THAP6: variants seen among roughly 807,000 people sequenced by gnomAD.
THAP6 encodes THAP domain-containing protein 6.
In THAP6, 13 loss-of-function variants were observed where a neutral mutation model predicts 20.0. The ratio of observed to expected loss-of-function variants is 0.65; its 90% CI spans 0.42 to 1.03. THAP6 has a LOEUF of 1.03. THAP6 is among the 50% of genes least tolerant of loss of function. The probability of loss-of-function intolerance (pLI) is 0.00; values close to 1 mark genes in which losing one functional copy is unlikely to be tolerated. For missense variants in THAP6, 262 were observed against 261.6 expected (o/e 1.00, Z -0.01); for synonymous variants, 93 against 92.2 (o/e 1.01, Z -0.05).
At chr4:75,542,557 G>A (rs1327973884) in intron 3 of THAP6, 1 of 648,546 alleles carries the variant, frequency 1.5e-6, no homozygotes, top group East Asian at 2.7e-5. Flanking sequence ...TATAAGGTAG[G>A]TACTATTATT....
At chr4:75,531,443 C>G (rs1726677129), downstream of THAP6, among the ~76,000 whole-genome samples, 1 of 152,126 alleles carries the variant, frequency 6.6e-6, no homozygotes, top group Non-Finnish European at 1.5e-5. Flanking sequence ...TCTTTGTATC[C>G]TTTTGCTATA....
downstream of THAP6, among the ~76,000 whole-genome samples, chr4:75,533,573 T>TA (rs1472807171): frequency 6.6e-6 from 1 of 152,134 alleles, no homozygotes; most frequent in African/African-American, 2.4e-5. Flanking sequence ...ACAATGCTGA[T>TA]AAAGACATAC....
chr4:75,523,679 G>A (rs372117410), intron 4 of THAP6, among the ~76,000 whole-genome samples: 16 of 151,824 alleles, frequency 1.1e-4, no homozygotes, highest in East Asian at 7.8e-4. Context: ...GGTGGCATAT[G>A]CCTACCCAGC....
chr4:75,514,392 T>C (rs1297225147), upstream of THAP6: 2 of 1,292,416 alleles, frequency 1.5e-6, no homozygotes, highest in African/African-American at 2.9e-5. Context: ...CAGCGGCCAC[T>C]AGCGACAATA....
rs1459887159 is a variant in THAP6 at position 75,529,445 on chromosome 4, CTG to C, written c.*2236_*2237del. 3.1e-5 allele frequency: 31 copies of C among 985,292 alleles called. No individual in the cohort carries two copies. Among genetic ancestry groups the C allele is most frequent in the African/African-American group, 3.5e-5 (2 of 57,222 alleles). The allele number at this position is 985,292 out of a possible 1,614,324, so 61.0% of individuals were successfully genotyped here. A position where few individuals can be genotyped will look rare whatever the true frequency, so the allele number is the denominator to read the frequency against. ...CCTAGTATAACTGAGAAATAAATAA[CTG>C]TGTGCAAAATATTGGTATCATTAAG... On this transcript the variant is annotated 3_prime_UTR_variant, in exon 5 of 5. Transcript: ENST00000311638.
chr4:75,537,586 A>G (rs12640936), intron 2 of THAP6, among the ~76,000 whole-genome samples: 45,722 of 151,890 alleles, frequency 0.3, 7,280 homozygotes, highest in African/African-American at 0.39. Flanking sequence ...CAATTAAACT[A>G]CTTTCTTTGG....
chr4:75,528,821 G>A lies in THAP6; in HGVS notation c.*1607G>A, dbSNP rs1018974697. On this transcript the variant is annotated 3_prime_UTR_variant, in exon 5 of 5. Coordinates refer to ENST00000311638, the MANE Select transcript of THAP6 (RefSeq NM_144721.6). ...CCTAGCACTTTGGGAGGCCAAGGCAGGCAGATCACTTGAGGTCAGGGGTTC... is the reference window on the plus strand; with the variant it reads ...CCTAGCACTTTGGGAGGCCAAGGCAAGCAGATCACTTGAGGTCAGGGGTTC... The A allele has an allele frequency of 1.0e-5, 10 of 959,330 alleles. No individual in the cohort carries two copies. The South Asian group carries it at 4.8e-4, about 46-fold the overall frequency. 59.4% of individuals were successfully genotyped at this position (959,330 alleles called of 1,614,324 possible). A position where few individuals can be genotyped will look rare whatever the true frequency, so the allele number is the denominator to read the frequency against.
chr4:75,523,243 CTTCTT>C lies in THAP6; in HGVS notation c.414+1385_414+1389del, dbSNP rs58284108. ...ATATGCCTGTTTGCCATTCCTATGT[CTTCTT>C]TTGAAAAAATGTGTATTCAGATGTT... On this transcript the variant is annotated intron_variant, in intron 4 of 4. Transcript: ENST00000311638. Among the ~76,000 whole-genome samples, 108 of 152,244 alleles carry C rather than the reference CTTCTT, an allele frequency of 7.1e-4. 1 individual carries two copies. The highest frequency in any genetic ancestry group is 2.5e-3 in the African/African-American group (105 of 41,560).
At chr4:75,530,942 A>G (rs1263831500), downstream of THAP6, among the ~76,000 whole-genome samples, 1 of 152,090 alleles carries the variant, frequency 6.6e-6, no homozygotes, top group African/African-American at 2.4e-5. Flanking sequence ...ATTCATGTCT[A>G]TCTTGTATGT....
Position 75,527,388 on chromosome 4 carries a change from G to T in THAP6, c.*174G>T. On this transcript the variant is annotated 3_prime_UTR_variant, in exon 5 of 5. Coordinates refer to ENST00000311638, the MANE Select transcript of THAP6 (RefSeq NM_144721.6). ...TTTTTGAAAATATGCAGAAATTTGT[G>T]GTAATTATGTATTTGTGTCTTGTGA... The T allele has an allele frequency of 7.1e-7, 1 of 1,411,354 alleles. No individual in the cohort carries two copies. The allele number at this position is 1,411,354 out of a possible 1,614,324, so 87.4% of individuals were successfully genotyped here.
chr4:75,521,419 T>C (rs1197138033), intron 3 of THAP6, among the ~76,000 whole-genome samples: 3 of 152,076 alleles, frequency 2.0e-5, no homozygotes, highest in African/African-American at 7.2e-5. Context: ...TCTATCTACT[T>C]GATGATCTAT....
At chr4:75,520,487 GTCAAT>G (rs1417414555) in intron 3 of THAP6, among the ~76,000 whole-genome samples, 1 of 152,156 alleles carries the variant, frequency 6.6e-6, no homozygotes, top group Non-Finnish European at 1.5e-5. Flanking sequence ...AGTTGGTGGT[GTCAAT>G]TATATAGACG....
chr4:75,522,024 C>A, intron 4 of THAP6, 163 bp downstream of exon 4: 1 of 758,858 alleles, frequency 1.3e-6, no homozygotes. Flanking sequence ...ATATATGCAA[C>A]AGCAAAATAG....
chr4:75,528,756 T>TG lies in THAP6; in HGVS notation c.*1542_*1543insG, dbSNP rs1553923560. ...GAAAAAAAAGTAGTAAAAAGGTAGTTAAAAAAAAAAAAGGCCGGGTGGTGG... is the reference window on the plus strand; with the variant it reads ...GAAAAAAAAGTAGTAAAAAGGTAGTTGAAAAAAAAAAAAGGCCGGGTGGTGG... On this transcript the variant is annotated 3_prime_UTR_variant, in exon 5 of 5. Coordinates refer to ENST00000311638, the MANE Select transcript of THAP6 (RefSeq NM_144721.6). 1 of 820,810 alleles carries TG rather than the reference T, an allele frequency of 1.2e-6. No homozygotes were observed. Among genetic ancestry groups the TG allele is most frequent in the South Asian group, 5.8e-5 (1 of 17,364 alleles). The allele number at this position is 820,810 out of a possible 1,614,324, so 50.8% of individuals were successfully genotyped here. A position where few individuals can be genotyped will look rare whatever the true frequency, so the allele number is the denominator to read the frequency against.
chr4:75,532,447 T>C (rs1189987846), downstream of THAP6, among the ~76,000 whole-genome samples: 1 of 152,236 alleles, frequency 6.6e-6, no homozygotes, highest in African/African-American at 2.4e-5. Flanking sequence ...TGTCTGTGAC[T>C]TTTCCAGGCT....
At chr4:75,523,381 T>G (rs1726154676) in intron 4 of THAP6, among the ~76,000 whole-genome samples, 1 of 152,200 alleles carries the variant, frequency 6.6e-6, no homozygotes, top group African/African-American at 2.4e-5. Context: ...TTGCAAACAT[T>G]TTGTCCCATT....
chr4:75,519,738 T>G (rs1389949390), intron 3 of THAP6, among the ~76,000 whole-genome samples: 1 of 151,944 alleles, frequency 6.6e-6, no homozygotes, highest in Non-Finnish European at 1.5e-5. Context: ...TTGTTGGACA[T>G]TTGGCTTGGT....
downstream of THAP6, among the ~76,000 whole-genome samples, chr4:75,533,816 G>A (rs1277196985): frequency 6.6e-6 from 1 of 151,802 alleles, no homozygotes; most frequent in African/African-American, 2.4e-5. Context: ...CAACATGCAG[G>A]TTCCTTACAT....
In THAP6 at chr4:75,516,770, A is replaced by C; in HGVS notation, c.81-2A>C. ...AAAATATTTTTTGTATTTTTTTTCT[A>C]GATTCCCCACAGATGAAAACATCAA... On this transcript the variant is annotated splice_acceptor_variant, in intron 2 of 4. Transcript: ENST00000311638. LOFTEE classifies it high-confidence loss of function. 7 of 1,605,426 alleles carry C rather than the reference A, an allele frequency of 4.4e-6. No homozygotes were observed. The highest frequency in any genetic ancestry group is 5.9e-6 in the Non-Finnish European group (7 of 1,176,610).
Sources: allele counts gnomAD v4.1 joint callset (sites outside exome capture counted in the v4.1 genomes callset), GRCh38; gene constraint gnomAD v4.1.1; transcripts MANE v1.5; gene names NCBI Gene and HGNC (gene_info 2026-07-23, HGNC 2026-07-21).